FER: variants seen among roughly 807,000 people sequenced by gnomAD.
FER encodes FER tyrosine kinase.
A neutral mutation model predicts 111.0 loss-of-function variants in FER; 63 were observed. The ratio of observed to expected loss-of-function variants is 0.57; its 90% CI spans 0.46 to 0.70. The LOEUF is 0.70. Among genes scored for constraint, FER ranks in the 30% least tolerant of loss-of-function variants. The probability of loss-of-function intolerance (pLI) is 0.00; values close to 1 mark genes in which losing one functional copy is unlikely to be tolerated. For missense variants in FER, 914 were observed against 954.0 expected, an observed-to-expected ratio of 0.96 and a Z score of 0.55; for synonymous variants, 327 against 313.9, an observed-to-expected ratio of 1.04 and a Z score of -0.44.
intron 2 of FER, among the ~76,000 whole-genome samples, chr5:108,794,536 C>G (rs781386991): frequency 7.9e-6 from 1 of 127,380 alleles, no homozygotes; most frequent in Admixed American, 7.9e-5. Context: ...ACCCCCCCCC[C>G]TCCCCGCACC....
chr5:109,128,395 C>G (rs1195055405), intron 17 of FER, among the ~76,000 whole-genome samples: 1 of 152,016 alleles, frequency 6.6e-6, no homozygotes, highest in African/African-American at 2.4e-5. Context: ...TAAAATAAGT[C>G]TTCTAAGTAA....
intron 16 of FER, among the ~76,000 whole-genome samples, chr5:109,087,120 C>G (rs538397746): frequency 6.6e-6 from 1 of 151,354 alleles, no homozygotes; most frequent in South Asian, 2.1e-4. Context: ...TTTGGAGAGA[C>G]AAATTTCAGC....
At chr5:109,012,905 C>T (rs1766485702) in intron 13 of FER, among the ~76,000 whole-genome samples, 1 of 151,964 alleles carries the variant, frequency 6.6e-6, no homozygotes, top group Non-Finnish European at 1.5e-5. Flanking sequence ...CTTAAAATGA[C>T]AAAAGCAAGG....
At chr5:108,843,026 AG>A (rs998859534) in intron 5 of FER, 1 of 152,244 alleles carries the variant, frequency 6.6e-6, no homozygotes. Context: ...AAGTGGATAA[AG>A]AAACTGTGGT....
intron 2 of FER, among the ~76,000 whole-genome samples, chr5:108,774,381 T>C (rs1478715984): frequency 6.6e-6 from 1 of 152,218 alleles, no homozygotes; most frequent in Non-Finnish European, 1.5e-5. Flanking sequence ...TGTGTGTCTT[T>C]ATAGTAGAAT....
At chr5:108,882,090 G>A (rs999434708) in intron 8 of FER, among the ~76,000 whole-genome samples, 3 of 151,902 alleles carry the variant, frequency 2.0e-5, no homozygotes, top group African/African-American at 2.4e-5. Flanking sequence ...ATATTTTGTA[G>A]TTTTTTGCTT....
intron 17 of FER, among the ~76,000 whole-genome samples, chr5:109,151,203 A>T (rs1561961267): frequency 6.6e-6 from 1 of 152,068 alleles, no homozygotes; most frequent in Non-Finnish European, 1.5e-5. Context: ...TCCATTTTTG[A>T]GTATTAGAGG....
chr5:108,754,268 C>T (rs1031609001), intron 1 of FER, among the ~76,000 whole-genome samples: 2 of 151,744 alleles, frequency 1.3e-5, no homozygotes, highest in Admixed American at 6.6e-5. Context: ...AAAATTAGCC[C>T]GATATGATGG....
intron 13 of FER, among the ~76,000 whole-genome samples, chr5:109,020,477 A>G (rs1767777865): frequency 1.3e-5 from 2 of 152,016 alleles, no homozygotes; most frequent in Admixed American, 1.3e-4. Context: ...ATAAAAAGAA[A>G]TATTCCTTCA....
chr5:109,109,704 T>C (rs553769485), intron 17 of FER, among the ~76,000 whole-genome samples: 5 of 152,166 alleles, frequency 3.3e-5, no homozygotes, highest in Admixed American at 2.0e-4. Context: ...AAGATTAGAT[T>C]AAGTTGTCTG....
At chr5:108,878,239 A>C (rs1415814402) in intron 8 of FER, among the ~76,000 whole-genome samples, 3 of 152,262 alleles carry the variant, frequency 2.0e-5, no homozygotes, top group Non-Finnish European at 4.4e-5. Context: ...TTAAATCTTT[A>C]AAAATTATCT....
At chr5:108,923,372 A>G (rs1225598401) in intron 10 of FER, among the ~76,000 whole-genome samples, 3 of 152,148 alleles carry the variant, frequency 2.0e-5, no homozygotes, top group East Asian at 3.9e-4. Flanking sequence ...GCATCTAATT[A>G]TAAAGGGAGC....
intron 17 of FER, among the ~76,000 whole-genome samples, chr5:109,169,325 C>G (rs1356310253): frequency 1.3e-5 from 2 of 151,918 alleles, no homozygotes; most frequent in Non-Finnish European, 2.9e-5. Flanking sequence ...TATATAGAGA[C>G]AGAAAAGAAA....
At chr5:108,899,087 CAAAA>C (rs762675202) in intron 10 of FER, among the ~76,000 whole-genome samples, 6 of 49,384 alleles carry the variant, frequency 1.2e-4, no homozygotes, top group African/African-American at 1.5e-4. Flanking sequence ...GTCTCCATAG[CAAAA>C]AAAAAAAAAA....
rs566285849 is a variant in FER at position 108,876,335 on chromosome 5, T to G, written c.923+4123T>G. ...TGCTCATTCACTTACCTGCTATCTG[T>G]GGGTGATTTCACACTACAGTGGCAG... On this transcript the variant is annotated intron_variant, in intron 8 of 19. Transcript: ENST00000281092. Among the ~76,000 whole-genome samples, 9 of 152,346 alleles carry G rather than the reference T, an allele frequency of 5.9e-5. No individual in the cohort carries two copies. The East Asian group carries it at 1.7e-3, about 29-fold the overall frequency.
intron 5 of FER, among the ~76,000 whole-genome samples, chr5:108,860,120 T>G (rs1763374361): frequency 6.6e-6 from 1 of 151,870 alleles, no homozygotes; most frequent in Non-Finnish European, 1.5e-5. Flanking sequence ...TTTTGTATTT[T>G]TTAAGAGAGA....
At chr5:108,843,788 A>C (rs897451735) in intron 5 of FER, among the ~76,000 whole-genome samples, 4 of 151,990 alleles carry the variant, frequency 2.6e-5, no homozygotes, top group Non-Finnish European at 5.9e-5. Flanking sequence ...CAGCCTCCCA[A>C]AGTGCTAGGA....
intron 17 of FER, among the ~76,000 whole-genome samples, chr5:109,173,556 C>G (rs1757356792): frequency 1.3e-5 from 2 of 152,340 alleles, no homozygotes; most frequent in Admixed American, 1.3e-4. Context: ...CTTCAGAATT[C>G]TCCCAGTGCC....
chr5:109,163,679 T>C (rs1756240252), intron 17 of FER, among the ~76,000 whole-genome samples: 1 of 152,120 alleles, frequency 6.6e-6, no homozygotes, highest in Non-Finnish European at 1.5e-5. Flanking sequence ...ACTCCTGCGC[T>C]CGATCCTCCT....
Sources: gnomAD v4.1 joint callset for allele counts (sites outside exome capture counted in the v4.1 genomes callset) on GRCh38, gnomAD v4.1.1 for gene constraint, MANE v1.5 for transcripts, NCBI Gene and HGNC (gene_info 2026-07-23, HGNC 2026-07-21) for gene names.